Variants in MRPL1 observed in about 807,000 individuals in gnomAD.
The protein encoded by MRPL1 is mitochondrial ribosomal protein L1.
In MRPL1, 28 loss-of-function variants were observed where a neutral mutation model predicts 38.0. The observed-to-expected ratio is 0.74, with a 90% CI of 0.55 to 1.01. The LOEUF (loss-of-function observed/expected upper bound fraction) is 1.01. Ranked by LOEUF, MRPL1 falls within the 50% of genes least tolerant of loss-of-function variation. The pLI is 0.00. For missense variants in MRPL1, 358 were observed against 389.8 expected (o/e 0.92, Z 0.69); for synonymous variants, 123 against 126.7 (o/e 0.97, Z 0.20).
intron 7 of MRPL1, among the ~76,000 whole-genome samples, chr4:77,930,203 G>A (rs770789783): frequency 2.0e-5 from 3 of 152,178 alleles, no homozygotes; most frequent in Non-Finnish European, 4.4e-5. Flanking sequence ...GGCTTGAGAA[G>A]TGGAAATCAT....
intron 7 of MRPL1, among the ~76,000 whole-genome samples, chr4:77,931,815 C>G (rs1326087168): frequency 6.6e-6 from 1 of 152,124 alleles, no homozygotes. Context: ...CAGATGTTGG[C>G]TAGCTGAAAA....
At chr4:77,875,886 A>C (rs1735378414) in intron 2 of MRPL1, among the ~76,000 whole-genome samples, 1 of 152,138 alleles carries the variant, frequency 6.6e-6, no homozygotes, top group African/African-American at 2.4e-5. Context: ...TTATATCCCC[A>C]CTTAGTAATT....
intron 2 of MRPL1, among the ~76,000 whole-genome samples, chr4:77,873,873 G>A (rs1735336255): frequency 2.0e-5 from 3 of 152,120 alleles, no homozygotes; most frequent in Admixed American, 2.0e-4. Context: ...TTAGTGAAAA[G>A]TTGGTCTTCT....
At chr4:77,876,579 GTTAC>G (rs1378541208) in intron 2 of MRPL1, among the ~76,000 whole-genome samples, 4 of 152,238 alleles carry the variant, frequency 2.6e-5, no homozygotes, top group Admixed American at 2.0e-4. Context: ...GACAATGAGA[GTTAC>G]TTAGTAGTTT....
At position 77,887,077 on chromosome 4, in the gene MRPL1, C is replaced by G. The variant is rs542967983; in HGVS notation, c.487-143C>G. The G allele has an allele frequency of 2.6e-4, 184 of 713,610 alleles. No homozygotes were observed. In the African/African-American group the frequency reaches 2.8e-3, roughly 11 times the overall value. 44.2% of individuals were successfully genotyped at this position (713,610 alleles called of 1,614,324 possible). ...CTTCTGGGATTACCAGTGAGAGCCA[C>G]TGCATCCAGCCACATTTTCAATTAA... On this transcript the variant is annotated intron_variant, in intron 4 of 8. Coordinates refer to ENST00000315567, the MANE Select transcript of MRPL1 (RefSeq NM_020236.4).
At chr4:77,922,871 A>G (rs766010779) in intron 7 of MRPL1, among the ~76,000 whole-genome samples, 27 of 152,306 alleles carry the variant, frequency 1.8e-4, no homozygotes, top group Middle Eastern at 3.4e-3. Context: ...TAGATGTCCA[A>G]ATGGAACTGT....
intron 4 of MRPL1, 47 bp downstream of exon 4, chr4:77,885,386 G>C (rs776870073): frequency 1.2e-5 from 16 of 1,364,782 alleles, no homozygotes; most frequent in East Asian, 2.4e-5. Flanking sequence ...TTTTTTTTTT[G>C]AGACGGAGTC....
At chr4:77,922,146 A>G (rs1284153231) in intron 7 of MRPL1, among the ~76,000 whole-genome samples, 1 of 152,212 alleles carries the variant, frequency 6.6e-6, no homozygotes, top group Non-Finnish European at 1.5e-5. Context: ...AAGGAGGAAA[A>G]AACAAGTTGG....
At chr4:77,894,326 G>A in intron 6 of MRPL1, 76 bp downstream of exon 6, 1 of 858,016 alleles carries the variant, frequency 1.2e-6, no homozygotes, top group Non-Finnish European at 1.9e-6. Context: ...AAACAAAGTT[G>A]TTCATGTATG....
intron 7 of MRPL1, among the ~76,000 whole-genome samples, chr4:77,930,643 TGTCA>T (rs772215568): frequency 1.8e-4 from 28 of 152,236 alleles, no homozygotes; most frequent in Non-Finnish European, 3.5e-4. Context: ...ATCAGAACCC[TGTCA>T]GTGAGTGGCA....
In MRPL1 at chr4:77,885,336, A is replaced by G. The variant is rs1170730954; in HGVS notation, c.483A>G (p.Thr161=). 1 of 1,608,034 alleles carries G rather than the reference A, an allele frequency of 6.2e-7. No homozygotes were observed. Among genetic ancestry groups the G allele is most frequent in the African/African-American group, 1.3e-5 (1 of 74,836 alleles). The change falls in exon 4 of 9, where the codon ACA becomes ACG. Residue 161 remains threonine, a synonymous_variant. Coordinates refer to ENST00000315567, the MANE Select transcript of MRPL1 (RefSeq NM_020236.4). ...ASEINKVAVF[T]ENASEVKIAE... Reference sequence around the variant, plus strand: ...AAATCAATAAAGTTGCTGTATTTACAGAGGTGAGTAACTTCCGTCAACTAT... The same window carrying G: ...AAATCAATAAAGTTGCTGTATTTACGGAGGTGAGTAACTTCCGTCAACTAT...
rs780754653 is a variant in MRPL1, at chr4:77,883,256, C to G, written c.158C>G (p.Thr53Arg). The G allele has an allele frequency of 6.5e-7, 1 of 1,547,246 alleles. No individual in the cohort carries two copies. Among genetic ancestry groups the G allele is most frequent in the South Asian group, 1.3e-5 (1 of 79,920 alleles). ...FAAATKSAKKTKKGAKEKTPD... is the reference protein window; with the variant it reads ...FAAATKSAKKRKKGAKEKTPD... ...TTTCTTTTAAGGTCTGCAAAGAAAACAAAAAAAGGTGCTAAAGAAAAAACA... is the reference window on the plus strand; with the variant it reads ...TTTCTTTTAAGGTCTGCAAAGAAAAGAAAAAAAGGTGCTAAAGAAAAAACA... Residue 53 changes from threonine (T) to arginine (R), a missense_variant, in exon 3 of 9, where the codon ACA becomes AGA. Physicochemically the swap from Thr to Arg is moderately conservative, Grantham distance 71. Transcript: ENST00000315567.
chr4:77,907,003 A>G (rs534809411), intron 6 of MRPL1: 3 of 985,360 alleles, frequency 3.0e-6, no homozygotes, highest in South Asian at 4.7e-5. Flanking sequence ...TCCTGAGCCA[A>G]CTGAACAACT....
chr4:77,910,904 A>G (rs1736272628), intron 7 of MRPL1, among the ~76,000 whole-genome samples: 1 of 152,200 alleles, frequency 6.6e-6, no homozygotes, highest in Admixed American at 6.5e-5. Context: ...GTTCCCCAAA[A>G]GGCCTTTGAC....
chr4:77,897,692 G>C lies in MRPL1; in HGVS notation c.670+3442G>C, dbSNP rs2110242312. On this transcript the variant is annotated intron_variant, in intron 6 of 8. Coordinates refer to ENST00000315567, the MANE Select transcript of MRPL1 (RefSeq NM_020236.4). ...GTGTTGTATCATACGTGAGACTCATGGATATTAAAGTTCTTGTAATGTGTA... is the reference window on the plus strand; with the variant it reads ...GTGTTGTATCATACGTGAGACTCATCGATATTAAAGTTCTTGTAATGTGTA... Among the ~76,000 whole-genome samples the C allele has an allele frequency of 1.3e-5, 2 of 152,308 alleles. 1 individual carries two copies. Among genetic ancestry groups the C allele is most frequent in the East Asian group, 3.9e-4 (2 of 5,184 alleles).
chr4:77,871,704 ATTAT>A (rs1226007625), intron 1 of MRPL1, 36 bp from the exon 2 acceptor site: 1 of 901,288 alleles, frequency 1.1e-6, no homozygotes, highest in African/African-American at 1.8e-5. Flanking sequence ...GAATATAATG[ATTAT>A]TTAATGTTAA....
intron 2 of MRPL1, among the ~76,000 whole-genome samples, chr4:77,882,968 T>C (rs1343768048): frequency 6.6e-6 from 1 of 152,218 alleles, no homozygotes; most frequent in Non-Finnish European, 1.5e-5. Flanking sequence ...CTACATTATA[T>C]TGAAATGACC....
At chr4:77,879,166 A>G (rs1056468061) in intron 2 of MRPL1, among the ~76,000 whole-genome samples, 1 of 152,242 alleles carries the variant, frequency 6.6e-6, no homozygotes, top group Admixed American at 6.5e-5. Context: ...ATATAATTGC[A>G]TGAACAACAA....
chr4:77,909,830 C>T (rs1474090427), intron 7 of MRPL1, among the ~76,000 whole-genome samples: 1 of 152,026 alleles, frequency 6.6e-6, no homozygotes, highest in Non-Finnish European at 1.5e-5. Flanking sequence ...AAATTGTTTG[C>T]CTGCTTTTAG....
Sources: gnomAD v4.1 joint callset for allele counts (sites outside exome capture counted in the v4.1 genomes callset) on GRCh38, gnomAD v4.1.1 for gene constraint, MANE v1.5 for transcripts, NCBI Gene and HGNC (gene_info 2026-07-23, HGNC 2026-07-21) for gene names.